Variants in PALM2AKAP2 observed in about 807,000 individuals in gnomAD.
The protein encoded by PALM2AKAP2 is PALM2 and AKAP2 fusion.
PALM2AKAP2 carries 37 observed loss-of-function variants against 71.5 expected under a neutral mutation model. That is an observed-to-expected ratio of 0.52 (90% CI 0.40 to 0.68). PALM2AKAP2 has a LOEUF of 0.68. Ranked by LOEUF, PALM2AKAP2 falls within the 30% of genes least tolerant of loss-of-function variation. The probability of loss-of-function intolerance (pLI) is 0.00; values close to 1 mark genes in which losing one functional copy is unlikely to be tolerated. For synonymous variants in PALM2AKAP2, 468 were observed against 478.8 expected (o/e 0.98, Z 0.29); for missense variants, 1,224 against 1,191.8 (o/e 1.03, Z -0.40).
At chr9:109,741,411 C>T (rs1196421738) in intron 1 of PALM2AKAP2, among the ~76,000 whole-genome samples, 2 of 152,080 alleles carry the variant, frequency 1.3e-5, no homozygotes, top group African/African-American at 2.4e-5. Flanking sequence ...ATAAAGCTGC[C>T]GTGAATATTC....
intron 7 of PALM2AKAP2, among the ~76,000 whole-genome samples, chr9:110,043,529 C>G (rs768016977): frequency 1.2e-4 from 18 of 152,040 alleles, no homozygotes; most frequent in Non-Finnish European, 2.4e-4. Flanking sequence ...AGTATAATCA[C>G]TTGATTTTCA....
intron 3 of PALM2AKAP2, among the ~76,000 whole-genome samples, chr9:110,165,283 TTCAC>T (rs1564343766): frequency 1.1e-5 from 1 of 93,172 alleles, no homozygotes; most frequent in African/African-American, 5.1e-5. Flanking sequence ...TTGCTAGAGA[TTCAC>T]ACACACACAC....
At chr9:109,857,223 A>G (rs185803504) in intron 1 of PALM2AKAP2, among the ~76,000 whole-genome samples, 1 of 152,314 alleles carries the variant, frequency 6.6e-6, no homozygotes, top group East Asian at 1.9e-4. Flanking sequence ...CATCTCCTCC[A>G]TTCTTGGTAA....
intron 1 of PALM2AKAP2, among the ~76,000 whole-genome samples, chr9:109,832,306 A>G (rs1385845515): frequency 2.6e-5 from 4 of 152,232 alleles, no homozygotes; most frequent in Non-Finnish European, 4.4e-5. Context: ...GCTGAGATAT[A>G]TAATGTTTCT....
At chr9:110,055,906 G>GA (rs1178016762) in intron 1 of PALM2AKAP2, among the ~76,000 whole-genome samples, 1 of 152,160 alleles carries the variant, frequency 6.6e-6, no homozygotes, top group Non-Finnish European at 1.5e-5. Flanking sequence ...TCCAGCAAGA[G>GA]AGAGGATTCC....
chr9:109,766,383 G>C (rs1829154038), intron 1 of PALM2AKAP2, among the ~76,000 whole-genome samples: 3 of 152,180 alleles, frequency 2.0e-5, no homozygotes, highest in African/African-American at 7.2e-5. Flanking sequence ...CAGCTAGACT[G>C]GGCAAGGGAG....
intron 6 of PALM2AKAP2, among the ~76,000 whole-genome samples, chr9:110,011,018 T>A (rs868776208): frequency 0.053 from 4,841 of 91,914 alleles, 113 homozygotes; most frequent in African/African-American, 0.073. Flanking sequence ...AAAAAAAATA[T>A]ATATATATAT....
At chr9:109,794,221 T>G (rs540001887) in intron 1 of PALM2AKAP2, among the ~76,000 whole-genome samples, 1 of 152,338 alleles carries the variant, frequency 6.6e-6, no homozygotes, top group African/African-American at 2.4e-5. Flanking sequence ...CATTATATCC[T>G]TTGCTATCTA....
intron 1 of PALM2AKAP2, among the ~76,000 whole-genome samples, chr9:110,102,967 C>G (rs900020711): frequency 2.0e-5 from 3 of 152,082 alleles, no homozygotes; most frequent in Non-Finnish European, 2.9e-5. Flanking sequence ...CCTCTCTTGT[C>G]CTCACTTCTT....
At position 109,810,802 on chromosome 9, in the gene PALM2AKAP2, C is replaced by G. The variant is rs1316109380; in HGVS notation, c.45+30269C>G. Among the ~76,000 whole-genome samples the G allele has an allele frequency of 2.0e-5, 3 of 152,046 alleles. 1 individual carries two copies. In the South Asian group the frequency reaches 6.2e-4, roughly 32 times the overall value. On this transcript the variant is annotated intron_variant, in intron 1 of 9. Transcript: ENST00000302798. The stretch of plus-strand genomic sequence containing the variant: ...ATGAGACAACTGCTAGAAGGAAGCA[C>G]TTGAGTTGGGAAATGAGGAAGGCAT...
intron 1 of PALM2AKAP2, among the ~76,000 whole-genome samples, chr9:110,061,293 G>A (rs1248880543): frequency 2.0e-5 from 3 of 152,176 alleles, no homozygotes; most frequent in Non-Finnish European, 4.4e-5. Context: ...AGGACAGAGT[G>A]GAGGAAGACA....
intron 1 of PALM2AKAP2, among the ~76,000 whole-genome samples, chr9:109,836,076 G>T (rs1828466253): frequency 6.6e-6 from 1 of 152,230 alleles, no homozygotes. Flanking sequence ...CGGTCAGTCT[G>T]CCTCCTCAAG....
chr9:109,706,592 C>G lies in PALM2AKAP2; in HGVS notation c.5+65726C>G, dbSNP rs560735146. ...GGAGAAATGCAAACATACGTTCACACAAAAACTTGTCCACAAATGTTCATA... is the reference window on the plus strand; with the variant it reads ...GGAGAAATGCAAACATACGTTCACAGAAAAACTTGTCCACAAATGTTCATA... On this transcript the variant is annotated intron_variant, in intron 1 of 6. Transcript: ENST00000374531. Among the ~76,000 whole-genome samples, 3 of 152,240 alleles carry G rather than the reference C, an allele frequency of 2.0e-5. No individual in the cohort carries two copies. In the East Asian group the frequency reaches 5.8e-4, roughly 29 times the overall value.
At chr9:109,693,592 A>G (rs1827928677) in intron 1 of PALM2AKAP2, among the ~76,000 whole-genome samples, 1 of 151,994 alleles carries the variant, frequency 6.6e-6, no homozygotes, top group Admixed American at 6.6e-5. Context: ...TACACTATAA[A>G]TTCTCTCTAG....
At chr9:110,136,473 C>T (rs1291407681) in exon 2 of PALM2AKAP2, 8 of 1,614,220 alleles carry the variant, frequency 5.0e-6, no homozygotes, top group Non-Finnish European at 6.8e-6. Context: ...ACATCCTCCC[C>T]AGAGCCTGGT....
intron 6 of PALM2AKAP2, 86 bp downstream of exon 6, chr9:109,932,114 A>G (rs1210124783): frequency 1.5e-6 from 2 of 1,360,144 alleles, no homozygotes; most frequent in African/African-American, 2.9e-5. Flanking sequence ...GTGCCCTGCT[A>G]TCCTTACATA....
intron 1 of PALM2AKAP2, among the ~76,000 whole-genome samples, chr9:109,706,374 A>G (rs1306581395): frequency 6.6e-6 from 1 of 152,198 alleles, no homozygotes; most frequent in East Asian, 1.9e-4. Context: ...CATATCCACT[A>G]CAATGGATAT....
At chr9:110,115,748 G>A (rs992110494) in intron 1 of PALM2AKAP2, among the ~76,000 whole-genome samples, 4 of 51,732 alleles carry the variant, frequency 7.7e-5, no homozygotes, top group Non-Finnish European at 1.5e-4. Flanking sequence ...TGATATCCAC[G>A]ATCGTGGGGG....
intron 1 of PALM2AKAP2, among the ~76,000 whole-genome samples, chr9:109,743,592 G>C (rs78607356): frequency 0.043 from 6,493 of 152,204 alleles, 190 homozygotes; most frequent in Non-Finnish European, 0.053. Flanking sequence ...AGACTACTTG[G>C]AATCAGTGAA....
Sources: gnomAD v4.1 joint callset for allele counts (sites outside exome capture counted in the v4.1 genomes callset) on GRCh38, gnomAD v4.1.1 for gene constraint, MANE v1.5 for transcripts, NCBI Gene and HGNC (gene_info 2026-07-23, HGNC 2026-07-21) for gene names.